The following MON1B variants were observed in gnomAD, a reference collection of about 807,000 sequenced individuals.
MON1B encodes MON1 vesicular trafficking associated B, also known as vacuolar fusion protein MON1 homolog B.
In MON1B, 26 loss-of-function variants were observed where a neutral mutation model predicts 45.1. That is an observed-to-expected ratio of 0.58 (90% CI 0.42 to 0.80). The LOEUF (loss-of-function observed/expected upper bound fraction) is 0.80. Among genes scored for constraint, MON1B ranks in the 30% least tolerant of loss-of-function variants. The probability of loss-of-function intolerance (pLI) is 0.00; values close to 1 mark genes in which losing one functional copy is unlikely to be tolerated. For missense variants in MON1B, 737 were observed against 754.5 expected, an observed-to-expected ratio of 0.98 and a Z score of 0.27; for synonymous variants, 395 against 320.2, an observed-to-expected ratio of 1.23 and a Z score of -2.49.
In MON1B at chr16:77,199,463, G is replaced by A; in HGVS notation, c.*1155G>A. 1.3e-6 allele frequency: 2 copies of A among 1,551,492 alleles called. No individual in the cohort carries two copies. The highest frequency in any genetic ancestry group is 1.7e-6 in the Non-Finnish European group (2 of 1,146,972). On this transcript the variant is annotated 3_prime_UTR_variant, in exon 6 of 6. Coordinates refer to ENST00000248248, the MANE Select transcript of MON1B (RefSeq NM_014940.4). ...CCCCGCGTTGGAAAATGGCGGGGAAGCTGAAACCTCTGAATGTGGAGGCGC... is the reference window on the plus strand; with the variant it reads ...CCCCGCGTTGGAAAATGGCGGGGAAACTGAAACCTCTGAATGTGGAGGCGC...
In MON1B at chr16:77,199,799, G is replaced by A. The variant is rs914977692; in HGVS notation, c.*1491G>A. On this transcript the variant is annotated 3_prime_UTR_variant, in exon 6 of 6. Transcript: ENST00000248248. ...GAAAGTCTTCAAACAAAAGTGGGGC[G>A]GTGGGGATGTTCTCATAACAATCAC... is the stretch of plus-strand genomic sequence containing the variant. The A allele has an allele frequency of 1.3e-5, 4 of 301,830 alleles. No homozygotes were observed. Among genetic ancestry groups the A allele is most frequent in the African/African-American group, 2.2e-5 (1 of 45,726 alleles). The allele number at this position is 301,830 out of a possible 1,614,324, so 18.7% of individuals were successfully genotyped here. A position where few individuals can be genotyped will look rare whatever the true frequency, so the allele number is the denominator to read the frequency against.
In MON1B at chr16:77,199,432, C is replaced by T. The variant is rs114764479; in HGVS notation, c.*1124C>T. 1.7e-5 allele frequency: 27 copies of T among 1,551,156 alleles called. 1 individual carries two copies. The highest frequency in any genetic ancestry group is 1.4e-4 in the South Asian group (12 of 84,044). On this transcript the variant is annotated 3_prime_UTR_variant, in exon 6 of 6. Transcript: ENST00000248248. ...AACCAGTCATCAAGCGAGGCTCGCG[C>T]GCAGGCCCCGCGTTGGAAAATGGCG...
At chr16:77,191,355 C>A in intron 1 of MON1B, 97 bp downstream of exon 1, 2 of 1,564,716 alleles carry the variant, frequency 1.3e-6, no homozygotes, top group Non-Finnish European at 1.7e-6. Context: ...TTGGATGTCT[C>A]GTCCTATTGA....
In MON1B at chr16:77,198,924, A is replaced by T. The variant is rs1412799671; in HGVS notation, c.*616A>T. Reference sequence around the variant, plus strand: ...CCTTCAGTGTCCACCTGTGGAACCCAGGACACAGCACCTGACTGCACACAG... The same window carrying T: ...CCTTCAGTGTCCACCTGTGGAACCCTGGACACAGCACCTGACTGCACACAG... On this transcript the variant is annotated 3_prime_UTR_variant, in exon 6 of 6. Transcript: ENST00000248248. 1 of 162,440 alleles carries T rather than the reference A, an allele frequency of 6.2e-6. No individual in the cohort carries two copies. 10.1% of individuals were successfully genotyped at this position (162,440 alleles called of 1,614,324 possible).
chr16:77,199,468 A>G lies in MON1B; in HGVS notation c.*1160A>G. 1.9e-6 allele frequency: 3 copies of G among 1,551,532 alleles called. No homozygotes were observed. The highest frequency in any genetic ancestry group is 1.7e-6 in the Non-Finnish European group (2 of 1,146,974). ...CGTTGGAAAATGGCGGGGAAGCTGA[A>G]ACCTCTGAATGTGGAGGCGCCAGAA... On this transcript the variant is annotated 3_prime_UTR_variant, in exon 6 of 6. Transcript: ENST00000248248.
Position 77,194,400 on chromosome 16 carries a change from C to G in MON1B, c.541C>G (p.Gln181Glu). The G allele has an allele frequency of 6.2e-7, 1 of 1,613,266 alleles. No homozygotes were observed. ...LLLVAMSRTS[Q>E]SAAQLRGELL... is the part of the protein sequence containing the mutation. ...GCTCGTGGCCATGTCACGGACTTCT[C>G]AGTCAGCAGCCCAGCTGCGGGGGGA... Residue 181 changes from glutamine to glutamate, a missense_variant, in exon 4 of 6, where the codon CAG becomes GAG. Physicochemically the swap from Gln to Glu is conservative, Grantham distance 29. Transcript: ENST00000248248. The surrounding 1 kb of genome is among the most constrained non-coding windows in gnomAD (Gnocchi z 8.1).
chr16:77,195,483 G>A, intron 4 of MON1B, 52 bp from the exon 5 acceptor site: 4 of 1,553,924 alleles, frequency 2.6e-6, no homozygotes, highest in Non-Finnish European at 3.5e-6. Flanking sequence ...AAATGGGCCA[G>A]CCAAGAAGGC....
intron 1 of MON1B, 27 bp downstream of exon 1, chr16:77,191,285 GCCCAGTAGAGT>G: frequency 6.5e-7 from 1 of 1,543,548 alleles, no homozygotes; most frequent in Non-Finnish European, 8.7e-7. Flanking sequence ...ATTTCCTGAG[GCCCAGTAGAGT>G]CTCCTCTTTT....
At chr16:77,196,091 G>T (rs750697468) in intron 5 of MON1B, among the ~76,000 whole-genome samples, 6 of 152,236 alleles carry the variant, frequency 3.9e-5, no homozygotes, top group African/African-American at 1.4e-4. Flanking sequence ...GTCCCTTGCT[G>T]TGCCCTCCAC....
At chr16:77,197,594 T>C (rs934508014) in intron 5 of MON1B, among the ~76,000 whole-genome samples, 1 of 151,976 alleles carries the variant, frequency 6.6e-6, no homozygotes, top group African/African-American at 2.4e-5. Flanking sequence ...CTGGCTATGT[T>C]TGAGGAATAG....
rs79164879 is a variant in MON1B, at chr16:77,191,541, A to G, written c.56A>G (p.Glu19Gly). 2,389 of 1,609,398 alleles carry G rather than the reference A, an allele frequency of 1.5e-3. 42 individuals are homozygous for G. In the African/African-American group the frequency reaches 0.029, roughly 20 times the overall value. The change falls in exon 2 of 6, where the codon GAG becomes GGG. Residue 19 changes from glutamate (E) to glycine (G), a missense_variant. Glu to Gly is a moderately conservative substitution (Grantham distance 98). Transcript: ENST00000248248. The part of the protein sequence containing the change: ...APAPGGAEDL[E>G]DTQFPSEEAR... ...GCCCCCGGGGGCGCGGAGGACTTGG[A>G]GGACACGCAGTTCCCCAGTGAGGAA... is the stretch of plus-strand genomic sequence containing the variant.
In MON1B at chr16:77,194,412, C is replaced by G; in HGVS notation, c.553C>G (p.Gln185Glu). The G allele has an allele frequency of 6.2e-7, 1 of 1,613,740 alleles. No homozygotes were observed. The highest frequency in any genetic ancestry group is 8.5e-7 in the Non-Finnish European group (1 of 1,180,022). ...GTCACGGACTTCTCAGTCAGCAGCC[C>G]AGCTGCGGGGGGAGCTGCTAGCTGT... Reference protein sequence around the residue: ...AMSRTSQSAAQLRGELLAVHA... With the variant: ...AMSRTSQSAAELRGELLAVHA... Residue 185 changes from glutamine (Q) to glutamate (E), a missense_variant, in exon 4 of 6, where the codon CAG becomes GAG. Gln to Glu is a conservative substitution (Grantham distance 29, BLOSUM62 2). Coordinates refer to ENST00000248248, the MANE Select transcript of MON1B (RefSeq NM_014940.4). This position sits in a 1 kb window ranked among gnomAD's most constrained non-coding sequence, Gnocchi z 8.1.
At position 77,198,232 on chromosome 16, in the gene MON1B, A is replaced by G; in HGVS notation, c.1568A>G (p.Tyr523Cys). The change falls in exon 6 of 6, where the codon TAC (tyrosine) becomes TGC (cysteine). Residue 523 changes from tyrosine (Y) to cysteine (C), a missense_variant. Tyr to Cys is a radical substitution (Grantham distance 194, BLOSUM62 -2). Coordinates refer to ENST00000248248, the MANE Select transcript of MON1B (RefSeq NM_014940.4). ...KKEEDRLFIR[Y>C]PPKYSTPPAT... The stretch of plus-strand genomic sequence containing the variant: ...GAGGAGGACCGGCTCTTCATTCGTT[A>G]CCCACCCAAGTACTCCACACCACCA... 6.2e-7 allele frequency: 1 copy of G among 1,613,982 alleles called. No homozygotes were observed. Among genetic ancestry groups the G allele is most frequent in the South Asian group, 1.1e-5 (1 of 91,050 alleles).
chr16:77,195,108 C>T lies in MON1B; in HGVS notation c.1249C>T (p.Pro417Ser), dbSNP rs760091684. Residue 417 changes from proline to serine, a missense_variant, in exon 4 of 6, where the codon CCG (proline) becomes TCG (serine). Transcript: ENST00000248248. The stretch of plus-strand genomic sequence containing the variant: ...GGGCCTCCGGCACTTCCTGTATAAG[C>T]CGCTGGACATCCCTGACCACCACCG... ...APGLRHFLYK[P>S]LDIPDHHRQL... is the part of the protein sequence containing the mutation. The T allele has an allele frequency of 3.1e-6, 5 of 1,600,390 alleles. No homozygotes were observed. The South Asian group carries it at 4.4e-5, about 14-fold the overall frequency.
At chr16:77,196,053 C>G (rs868807843) in intron 5 of MON1B, among the ~76,000 whole-genome samples, 9 of 152,134 alleles carry the variant, frequency 5.9e-5, no homozygotes, top group African/African-American at 1.7e-4. Context: ...CTCCATGAGT[C>G]CCCAGCACTC....
Position 77,198,258 on chromosome 16 carries a change from G to T in MON1B, c.1594G>T (p.Ala532Ser). The T allele has an allele frequency of 6.2e-7, 1 of 1,614,194 alleles. No individual in the cohort carries two copies. The highest frequency in any genetic ancestry group is 1.3e-5 in the African/African-American group (1 of 75,056). ...CCCACCCAAGTACTCCACACCACCA[G>T]CCACCTCTACGGACCAAGCTGCCCA... Reference protein sequence around the residue: ...RYPPKYSTPPATSTDQAAHNG... With the variant: ...RYPPKYSTPPSTSTDQAAHNG... Residue 532 changes from alanine (A) to serine (S), a missense_variant, in exon 6 of 6, where the codon GCC becomes TCC. Coordinates refer to ENST00000248248, the MANE Select transcript of MON1B (RefSeq NM_014940.4).
Position 77,191,539 on chromosome 16 carries a change from G to T in MON1B, c.54G>T (p.Leu18Phe), listed in dbSNP as rs749556783. Residue 18 changes from leucine (L) to phenylalanine (F), a missense_variant, in exon 2 of 6, where the codon TTG becomes TTT. By Grantham distance (22) the Leu-to-Phe change is conservative. Coordinates refer to ENST00000248248, the MANE Select transcript of MON1B (RefSeq NM_014940.4). ...CGGCCCCCGGGGGCGCGGAGGACTTGGAGGACACGCAGTTCCCCAGTGAGG... is the reference window on the plus strand; with the variant it reads ...CGGCCCCCGGGGGCGCGGAGGACTTTGAGGACACGCAGTTCCCCAGTGAGG... ...AAPAPGGAED[L>F]EDTQFPSEEA... The T allele has an allele frequency of 6.2e-7, 1 of 1,610,052 alleles. No homozygotes were observed. Among genetic ancestry groups the T allele is most frequent in the Non-Finnish European group, 8.5e-7 (1 of 1,178,894 alleles).
chr16:77,198,344 A>G lies in MON1B; in HGVS notation c.*36A>G. 6.3e-7 allele frequency: 1 copy of G among 1,590,878 alleles called. No individual in the cohort carries two copies. Among genetic ancestry groups the G allele is most frequent in the African/African-American group, 1.3e-5 (1 of 74,478 alleles). ...TCCCAGACCAGGCAGTGCTGGGAGC[A>G]ACCACCTTTGTTTTTTACCTTCTGT... On this transcript the variant is annotated 3_prime_UTR_variant, in exon 6 of 6. Transcript: ENST00000248248.
rs2054689097 is a variant in MON1B, at chr16:77,198,342, G to A, written c.*34G>A. The A allele has an allele frequency of 2.5e-6, 4 of 1,592,540 alleles. No homozygotes were observed. In the East Asian group the frequency reaches 6.7e-5, roughly 27 times the overall value. On this transcript the variant is annotated 3_prime_UTR_variant, in exon 6 of 6. Transcript: ENST00000248248. ...GCTCCCAGACCAGGCAGTGCTGGGA[G>A]CAACCACCTTTGTTTTTTACCTTCT...
Sources: allele counts gnomAD v4.1 joint callset (sites outside exome capture counted in the v4.1 genomes callset), GRCh38; gene constraint gnomAD v4.1.1; non-coding constraint Gnocchi (gnomAD v3.1); transcripts MANE v1.5; gene names NCBI Gene and HGNC (gene_info 2026-07-23, HGNC 2026-07-21).